The following ZC2HC1A variants were observed in gnomAD, a reference collection of about 807,000 sequenced individuals.
The protein encoded by ZC2HC1A is zinc finger C2HC-type containing 1A.
In ZC2HC1A, 28 loss-of-function variants were observed where a neutral mutation model predicts 40.7. That is an observed-to-expected ratio of 0.69 (90% CI 0.51 to 0.94). The LOEUF is 0.94. Ranked by LOEUF, ZC2HC1A falls within the 40% of genes least tolerant of loss-of-function variation. The pLI, the probability that ZC2HC1A is intolerant of heterozygous loss-of-function variation, is 0.00. For missense variants in ZC2HC1A, 389 were observed against 386.3 expected (o/e 1.01, Z -0.06); for synonymous variants, 129 against 129.2 (o/e 1.00, Z 0.01).
chr8:78,676,847 A>G (rs888070331), intron 2 of ZC2HC1A, among the ~76,000 whole-genome samples: 1 of 151,952 alleles, frequency 6.6e-6, no homozygotes, highest in African/African-American at 2.4e-5. Flanking sequence ...GCTCTCATTT[A>G]TGTGGTATTT....
chr8:78,687,111 C>G (rs1293033648), intron 4 of ZC2HC1A, among the ~76,000 whole-genome samples: 6 of 151,918 alleles, frequency 3.9e-5, no homozygotes, highest in Non-Finnish European at 7.4e-5. Flanking sequence ...ATAAAAGTTG[C>G]TTGAGTCATT....
chr8:78,716,184 G>A (rs904663353), intron 8 of ZC2HC1A, among the ~76,000 whole-genome samples: 4 of 150,854 alleles, frequency 2.7e-5, no homozygotes, highest in African/African-American at 4.9e-5. Flanking sequence ...GTGCAGTGGC[G>A]CAATCTCGGC....
chr8:78,692,309 G>A (rs1257056544), intron 5 of ZC2HC1A, among the ~76,000 whole-genome samples: 1 of 151,928 alleles, frequency 6.6e-6, no homozygotes, highest in Non-Finnish European at 1.5e-5. Context: ...GCCTGTGCCT[G>A]GCTTAATTTC....
chr8:78,698,223 G>T (rs1371898986), intron 6 of ZC2HC1A, among the ~76,000 whole-genome samples, 191 bp from the exon 7 acceptor site: 1 of 152,100 alleles, frequency 6.6e-6, no homozygotes, highest in Non-Finnish European at 1.5e-5. Context: ...TTATAAGAGG[G>T]ACATTTAGAA....
intron 5 of ZC2HC1A, among the ~76,000 whole-genome samples, chr8:78,695,719 T>C (rs943015881): frequency 1.3e-5 from 2 of 152,200 alleles, no homozygotes; most frequent in African/African-American, 4.8e-5. Flanking sequence ...TTTTAAAAAA[T>C]CAGTATCATT....
chr8:78,683,385 A>G (rs890981308), intron 3 of ZC2HC1A, among the ~76,000 whole-genome samples: 1 of 152,100 alleles, frequency 6.6e-6, no homozygotes, highest in Non-Finnish European at 1.5e-5. Context: ...CCAAACCTCA[A>G]CTCTTGATTT....
At position 78,669,967 on chromosome 8, in the gene ZC2HC1A, C is replaced by CTTTTT. The variant is rs371762916; in HGVS notation, c.16+3806_16+3807insTTTTT. 4.3e-4 allele frequency among the ~76,000 whole-genome samples: 53 copies of CTTTTT among 122,904 alleles called. 1 individual carries two copies. The highest frequency in any genetic ancestry group is 1.2e-3 in the South Asian group (5 of 4,050). 80.6% of individuals were successfully genotyped at this position (122,904 alleles called of 152,430 possible). ...AATGTATTTCTTTCTTTCTTTCTTT[C>CTTTTT]TTTCTTTTTTTTTTTTTGATACGGA... On this transcript the variant is annotated intron_variant, in intron 1 of 8. Coordinates refer to ENST00000263849, the MANE Select transcript of ZC2HC1A (RefSeq NM_016010.3).
chr8:78,686,333 T>A, intron 3 of ZC2HC1A, 134 bp from the exon 4 acceptor site: 1 of 748,396 alleles, frequency 1.3e-6, no homozygotes. Flanking sequence ...ATTATAAATT[T>A]GAGAAGGATA....
intron 4 of ZC2HC1A, among the ~76,000 whole-genome samples, chr8:78,687,878 T>C (rs1810070413): frequency 7.6e-6 from 1 of 130,854 alleles, no homozygotes; most frequent in South Asian, 2.2e-4. Flanking sequence ...ATAATAAATA[T>C]ATATTTATAT....
At chr8:78,699,270 A>G (rs1810525169) in intron 7 of ZC2HC1A, among the ~76,000 whole-genome samples, 2 of 152,138 alleles carry the variant, frequency 1.3e-5, no homozygotes, top group Non-Finnish European at 2.9e-5. Context: ...TAAACTTTCA[A>G]TAGTTATGGG....
Position 78,713,455 on chromosome 8 carries a change from T to C in ZC2HC1A, c.705-1766T>C, listed in dbSNP as rs1401738384. Among the ~76,000 whole-genome samples the C allele has an allele frequency of 2.6e-5, 4 of 151,534 alleles. No individual in the cohort carries two copies. In the East Asian group the frequency reaches 7.7e-4, roughly 29 times the overall value. On this transcript the variant is annotated intron_variant, in intron 7 of 8. Transcript: ENST00000263849. ...GTATATCTCATGCACTTAAGACGAT[T>C]CTATAGCCAAAAAAAAAAAAAGTGT... is the stretch of plus-strand genomic sequence containing the variant.
chr8:78,704,336 C>T (rs546169698), intron 7 of ZC2HC1A, among the ~76,000 whole-genome samples: 4 of 146,428 alleles, frequency 2.7e-5, no homozygotes, highest in East Asian at 4.0e-4. Context: ...TGCAGTGAGC[C>T]GAGATTGCGC....
chr8:78,689,671 T>C (rs1281881354), intron 5 of ZC2HC1A, among the ~76,000 whole-genome samples: 2 of 151,976 alleles, frequency 1.3e-5, no homozygotes, highest in Non-Finnish European at 2.9e-5. Flanking sequence ...TGTATACATG[T>C]TTTTAGATTA....
chr8:78,714,188 C>A (rs1330856489), intron 7 of ZC2HC1A, among the ~76,000 whole-genome samples: 1 of 152,212 alleles, frequency 6.6e-6, no homozygotes, highest in East Asian at 1.9e-4. Flanking sequence ...CATCTAAATC[C>A]TAGCTTTGGA....
At position 78,705,975 on chromosome 8, in the gene ZC2HC1A, TC is replaced by T. The variant is rs1810760335; in HGVS notation, c.704+7464del. 2.0e-5 allele frequency among the ~76,000 whole-genome samples: 3 copies of T among 152,000 alleles called. No individual in the cohort carries two copies. The South Asian group carries it at 6.2e-4, about 32-fold the overall frequency. ...ATGGTTGGAGGTCCCAGTTGTGAGG[TC>T]CTGCTCTGTGATGAGGAATGGATTG... On this transcript the variant is annotated intron_variant, in intron 7 of 8. Transcript: ENST00000263849.
chr8:78,690,885 T>A (rs1810189904), intron 5 of ZC2HC1A, among the ~76,000 whole-genome samples: 2 of 152,316 alleles, frequency 1.3e-5, no homozygotes, highest in African/African-American at 4.8e-5. Context: ...CATTTTTAGT[T>A]GTTTTTTGCT....
rs1010212735 is a variant in ZC2HC1A at position 78,666,161 on chromosome 8, G to A, written c.13G>A (p.Glu5Lys). 7 of 1,574,562 alleles carry A rather than the reference G, an allele frequency of 4.4e-6. No homozygotes were observed. In the Admixed American group the frequency reaches 5.6e-5, roughly 13 times the overall value. Residue 5 changes from glutamate to lysine, a missense_variant, in exon 1 of 9, where the codon GAA becomes AAA. Coordinates refer to ENST00000263849, the MANE Select transcript of ZC2HC1A (RefSeq NM_016010.3). MEGL[E>K]ENGGVVQVGE... Reference sequence around the variant, plus strand: ...AGGAGGTGGCGCGATGGAGGGACTGGAAGGTGAGGCGATGAAGGGATGAGG... The same window carrying A: ...AGGAGGTGGCGCGATGGAGGGACTGAAAGGTGAGGCGATGAAGGGATGAGG...
intron 7 of ZC2HC1A, among the ~76,000 whole-genome samples, chr8:78,713,717 A>G (rs1198969856): frequency 1.3e-5 from 2 of 152,188 alleles, no homozygotes; most frequent in East Asian, 1.9e-4. Context: ...ATGCAAAGCA[A>G]CCACTTTGAA....
At chr8:78,712,019 G>A (rs755568890) in intron 7 of ZC2HC1A, 10 of 1,289,454 alleles carry the variant, frequency 7.8e-6, no homozygotes, top group East Asian at 5.5e-5. Flanking sequence ...CCTCCACTTC[G>A]AACGGGAAGA....
Sources: allele counts gnomAD v4.1 joint callset (sites outside exome capture counted in the v4.1 genomes callset), GRCh38; gene constraint gnomAD v4.1.1; transcripts MANE v1.5; gene names NCBI Gene and HGNC (gene_info 2026-07-23, HGNC 2026-07-21).